Variants in DRC1 observed in about 807,000 individuals in gnomAD.
The protein encoded by DRC1 is dynein regulatory complex protein 1.
A neutral mutation model predicts 98.7 loss-of-function variants in DRC1; 74 were observed. The ratio of observed to expected loss-of-function variants is 0.75; its 90% CI spans 0.62 to 0.91. The LOEUF is 0.91. Ranked by LOEUF, DRC1 falls within the 40% of genes least tolerant of loss-of-function variation. The pLI is 0.00. For synonymous variants in DRC1, 336 were observed against 334.1 expected, an observed-to-expected ratio of 1.01 and a Z score of -0.06; for missense variants, 875 against 886.0, an observed-to-expected ratio of 0.99 and a Z score of 0.16.
Position 26,453,387 on chromosome 2 carries a change from T to C in DRC1, c.1757T>C (p.Leu586Ser). The change falls in exon 14 of 17, where the codon TTG becomes TCG. Residue 586 changes from leucine (L) to serine (S), a missense_variant. Coordinates refer to ENST00000288710, the MANE Select transcript of DRC1 (RefSeq NM_145038.5). ...SMEETSTRSE[L>S]ELAEQTEMEG... Reference sequence around the variant, plus strand: ...GAGGAGACAAGCACGAGGTCAGAATTGGAGCTGGCAGAGCAGACGGAGATG... The same window carrying C: ...GAGGAGACAAGCACGAGGTCAGAATCGGAGCTGGCAGAGCAGACGGAGATG... 2 of 1,614,062 alleles carry C rather than the reference T, an allele frequency of 1.2e-6. No homozygotes were observed. Among genetic ancestry groups the C allele is most frequent in the African/African-American group, 2.7e-5 (2 of 75,012 alleles).
At position 26,455,274 on chromosome 2, in the gene DRC1, C is replaced by T. The variant is rs187324977; in HGVS notation, c.2166+41C>T. ...TTCCAAGGAGGGGCAGCGGGAGACA[C>T]GGGTGGGGCAGGGGCACTGGAGCTG... is the stretch of plus-strand genomic sequence containing the variant. On this transcript the variant is annotated intron_variant, in intron 16 of 16. Coordinates refer to ENST00000288710, the MANE Select transcript of DRC1 (RefSeq NM_145038.5). 6.7e-5 allele frequency: 106 copies of T among 1,585,604 alleles called. No individual in the cohort carries two copies. In the East Asian group the frequency reaches 8.1e-4, roughly 12 times the overall value.
intron 8 of DRC1, among the ~76,000 whole-genome samples, chr2:26,442,650 C>A (rs929900763): frequency 1.3e-5 from 2 of 152,132 alleles, no homozygotes; most frequent in Non-Finnish European, 2.9e-5. Flanking sequence ...ATCCCCAATC[C>A]TGAGCTCACC....
chr2:26,448,797 C>A lies in DRC1; in HGVS notation c.1503C>A (p.Asp501Glu). ...TTKRILMLLCDESGFLIESKL... is the reference protein window; with the variant it reads ...TTKRILMLLCEESGFLIESKL... ...AGAGGATCCTGATGCTCCTGTGTGA[C>A]GAGTCGGTGAGGCCAGGCGGGGGCT... Residue 501 changes from aspartate (D) to glutamate (E), a missense_variant, in exon 11 of 17, where the codon GAC becomes GAA. Transcript: ENST00000288710. 6.2e-7 allele frequency: 1 copy of A among 1,614,068 alleles called. No individual in the cohort carries two copies.
chr2:26,454,895 G>A lies in DRC1; in HGVS notation c.2063+105G>A. Reference sequence around the variant, plus strand: ...CTCCCTGTCCCACTGAACCTGGGAGGGAAGAGCTGCCCTTGGCATCTCCTG... The same window carrying A: ...CTCCCTGTCCCACTGAACCTGGGAGAGAAGAGCTGCCCTTGGCATCTCCTG... On this transcript the variant is annotated intron_variant, in intron 15 of 16. Coordinates refer to ENST00000288710, the MANE Select transcript of DRC1 (RefSeq NM_145038.5). The surrounding 1 kb of genome is among the most constrained non-coding windows in gnomAD (Gnocchi z 5.2). 1.9e-6 allele frequency: 3 copies of A among 1,560,986 alleles called. No individual in the cohort carries two copies. Among genetic ancestry groups the A allele is most frequent in the East Asian group, 2.2e-5 (1 of 44,498 alleles).
intron 16 of DRC1, among the ~76,000 whole-genome samples, chr2:26,456,158 G>A (rs908084494): frequency 6.6e-6 from 1 of 152,206 alleles, no homozygotes; most frequent in African/African-American, 2.4e-5. Flanking sequence ...GGAAGAGGTG[G>A]GGCAGGCTAG....
chr2:26,427,054 A>G (rs773420707), intron 4 of DRC1, among the ~76,000 whole-genome samples: 5 of 152,046 alleles, frequency 3.3e-5, no homozygotes, highest in Admixed American at 1.3e-4. Context: ...CTTAATTTCT[A>G]TTTTGGATTG....
chr2:26,439,025 T>G (rs1663644136), intron 7 of DRC1, among the ~76,000 whole-genome samples: 1 of 152,192 alleles, frequency 6.6e-6, no homozygotes, highest in African/African-American at 2.4e-5. Context: ...CCTAACATTT[T>G]CAGTGACCCT....
chr2:26,454,209 T>C lies in DRC1; in HGVS notation c.1920-438T>C, dbSNP rs548729531. Among the ~76,000 whole-genome samples, 40 of 152,080 alleles carry C rather than the reference T, an allele frequency of 2.6e-4. No homozygotes were observed. The highest frequency in any genetic ancestry group is 9.2e-4 in the African/African-American group (38 of 41,476). On this transcript the variant is annotated intron_variant, in intron 14 of 16. Transcript: ENST00000288710. This position sits in a 1 kb window ranked among gnomAD's most constrained non-coding sequence, Gnocchi z 5.2. Reference sequence around the variant, plus strand: ...TTAGCCTTGCGTTTTAGAGAGATCATTGTGGCGTCAGGGAAGGGGCGAAGC... The same window carrying C: ...TTAGCCTTGCGTTTTAGAGAGATCACTGTGGCGTCAGGGAAGGGGCGAAGC...
rs529008322 is a variant in DRC1, at chr2:26,444,671, A to G, written c.1164-45A>G. On this transcript the variant is annotated intron_variant, in intron 9 of 16. Coordinates refer to ENST00000288710, the MANE Select transcript of DRC1 (RefSeq NM_145038.5). The stretch of plus-strand genomic sequence containing the variant: ...GCTGCTATTTGAGGGGACCCTGGCC[A>G]GGTCCTGGGGCCAGCTGGCCATGCT... 3.8e-6 allele frequency: 6 copies of G among 1,573,766 alleles called. No individual in the cohort carries two copies. The South Asian group carries it at 6.7e-5, about 18-fold the overall frequency.
intron 2 of DRC1, among the ~76,000 whole-genome samples, chr2:26,418,595 T>TATATA: frequency 1.0e-5 from 1 of 100,028 alleles, no homozygotes; most frequent in Non-Finnish European, 1.8e-5. Context: ...TTATATATAA[T>TATATA]TTATATAATA....
At chr2:26,413,257 T>C (rs1273599356) in intron 1 of DRC1, among the ~76,000 whole-genome samples, 1 of 152,242 alleles carries the variant, frequency 6.6e-6, no homozygotes, top group African/African-American at 2.4e-5. Flanking sequence ...GCTACTAATA[T>C]GTATGTAGAA....
chr2:26,448,070 C>T (rs1663904666), intron 10 of DRC1, among the ~76,000 whole-genome samples: 1 of 151,074 alleles, frequency 6.6e-6, no homozygotes, highest in Non-Finnish European at 1.5e-5. Context: ...ACGAAAAACA[C>T]AGAAATTAGC....
chr2:26,426,736 A>G (rs1295937080), intron 4 of DRC1, among the ~76,000 whole-genome samples: 2 of 152,136 alleles, frequency 1.3e-5, no homozygotes, highest in East Asian at 3.8e-4. Context: ...TATTTTGGCA[A>G]TTTGGAGTCT....
At chr2:26,456,334 C>A in intron 16 of DRC1, 127 bp from the exon 17 acceptor site, 1 of 1,182,330 alleles carries the variant, frequency 8.5e-7, no homozygotes, top group Non-Finnish European at 1.2e-6. Context: ...TTCAGCATCT[C>A]TCAGCTTTGG....
intron 16 of DRC1, among the ~76,000 whole-genome samples, chr2:26,456,141 T>C (rs139573626): frequency 6.6e-6 from 1 of 151,982 alleles, no homozygotes; most frequent in East Asian, 1.9e-4. Context: ...TACAAGAGGC[T>C]GGGGGAGGAA....
At chr2:26,445,160 A>G (rs1187850137) in intron 10 of DRC1, among the ~76,000 whole-genome samples, 1 of 152,144 alleles carries the variant, frequency 6.6e-6, no homozygotes, top group Non-Finnish European at 1.5e-5. Flanking sequence ...TGCAGGTCCA[A>G]TTTATTTTTG....
intron 7 of DRC1, among the ~76,000 whole-genome samples, chr2:26,432,880 T>C (rs920309723): frequency 1.3e-5 from 2 of 152,186 alleles, no homozygotes; most frequent in African/African-American, 4.8e-5. Flanking sequence ...TAGTACACGA[T>C]AAACCCTGGA....
chr2:26,438,163 T>C (rs573482875), intron 7 of DRC1, among the ~76,000 whole-genome samples: 1 of 144,944 alleles, frequency 6.9e-6, no homozygotes, highest in Non-Finnish European at 1.5e-5. Flanking sequence ...ACATGGAAAA[T>C]TGTTGTAATA....
chr2:26,430,708 T>A lies in DRC1; in HGVS notation c.679-78T>A, dbSNP rs1309148248. ...TGGTTGGTGATATGGCACTTATAGT[T>A]ACCTGAAAGTTCTTTGACACTGGTG... On this transcript the variant is annotated intron_variant, in intron 5 of 16. Transcript: ENST00000288710. 1.7e-5 allele frequency: 24 copies of A among 1,447,354 alleles called. No individual in the cohort carries two copies. In the Admixed American group the frequency reaches 4.0e-4, roughly 24 times the overall value. The allele number at this position is 1,447,354 out of a possible 1,614,324, so 89.7% of individuals were successfully genotyped here.
Sources: allele counts gnomAD v4.1 joint callset (sites outside exome capture counted in the v4.1 genomes callset), GRCh38; gene constraint gnomAD v4.1.1; non-coding constraint Gnocchi (gnomAD v3.1); transcripts MANE v1.5; gene names NCBI Gene and HGNC (gene_info 2026-07-23, HGNC 2026-07-21).